Variants in TSPAN2 observed in about 807,000 individuals in gnomAD.
The protein encoded by TSPAN2 is tetraspanin 2.
TSPAN2 carries 24 observed loss-of-function variants against 33.3 expected under a neutral mutation model. That is an observed-to-expected ratio of 0.72 (90% CI 0.52 to 1.01). The LOEUF (loss-of-function observed/expected upper bound fraction) is 1.01. Ranked by LOEUF, TSPAN2 falls within the 50% of genes least tolerant of loss-of-function variation. The pLI, the probability that TSPAN2 is intolerant of heterozygous loss-of-function variation, is 0.00. For synonymous variants in TSPAN2, 114 were observed against 104.5 expected (o/e 1.09, Z -0.56); for missense variants, 278 against 281.3 (o/e 0.99, Z 0.08).
chr1:115,074,308 G>T (rs1458109101), intron 1 of TSPAN2, among the ~76,000 whole-genome samples: 1 of 152,180 alleles, frequency 6.6e-6, no homozygotes, highest in Non-Finnish European at 1.5e-5. Context: ...TGGACGATCT[G>T]GCTGGATTTC....
intron 4 of TSPAN2, 124 bp from the exon 5 acceptor site, chr1:115,059,105 C>A (rs1647556676): frequency 1.3e-6 from 1 of 767,492 alleles, no homozygotes. Context: ...AAGAATGATA[C>A]AATGGACTTT....
chr1:115,087,089 T>C (rs1648863903), intron 1 of TSPAN2, among the ~76,000 whole-genome samples: 1 of 151,912 alleles, frequency 6.6e-6, no homozygotes, highest in Admixed American at 6.6e-5. Context: ...CCGGCTAATT[T>C]TTGTACTTTA....
chr1:115,059,011 T>C (rs756209850), intron 4 of TSPAN2, 30 bp from the exon 5 acceptor site: 39 of 1,556,082 alleles, frequency 2.5e-5, no homozygotes, highest in Non-Finnish European at 2.7e-5. Context: ...AATGAAGGAC[T>C]TCTGGGTGGG....
chr1:115,064,907 C>T (rs1292142718), intron 2 of TSPAN2, among the ~76,000 whole-genome samples: 4 of 152,192 alleles, frequency 2.6e-5, no homozygotes, highest in Non-Finnish European at 5.9e-5. Flanking sequence ...CAGAGTTGTT[C>T]CCCACTGTAA....
At chr1:115,080,158 C>G (rs1234713726) in intron 1 of TSPAN2, among the ~76,000 whole-genome samples, 1 of 152,168 alleles carries the variant, frequency 6.6e-6, no homozygotes, top group East Asian at 1.9e-4. Context: ...TACATATAGA[C>G]AGTGGAAAAT....
In TSPAN2 at chr1:115,089,426, GCCC is replaced by G. The variant is rs750318087; in HGVS notation, c.4_6del (p.Gly2del). On this transcript the variant is annotated inframe_deletion, in exon 1 of 8. Transcript: ENST00000369516. ...ATGCACCGCAGGCCCCCGCGGAAGC[GCCC>G]CATGCTGCGGCCCGGCGGCGGGATC... The G allele has an allele frequency of 6.4e-7, 1 of 1,571,476 alleles. No homozygotes were observed. The highest frequency in any genetic ancestry group is 1.2e-5 in the South Asian group (1 of 86,312).
chr1:115,070,625 A>C (rs1648133720), intron 2 of TSPAN2, among the ~76,000 whole-genome samples: 1 of 151,616 alleles, frequency 6.6e-6, no homozygotes, highest in South Asian at 2.1e-4. Context: ...CAGCTTGCTA[A>C]TCCCTCCCCA....
At chr1:115,063,861 C>T (rs1647833081) in intron 2 of TSPAN2, among the ~76,000 whole-genome samples, 1 of 152,100 alleles carries the variant, frequency 6.6e-6, no homozygotes, top group African/African-American at 2.4e-5. Flanking sequence ...ATATTGGGTA[C>T]ACATGGACAT....
intron 2 of TSPAN2, among the ~76,000 whole-genome samples, chr1:115,067,470 T>C (rs717275): frequency 0.26 from 39,680 of 152,056 alleles, 5,552 homozygotes; most frequent in African/African-American, 0.3. Flanking sequence ...ATAAAAATGC[T>C]CTGGAGAAAT....
At position 115,082,402 on chromosome 1, in the gene TSPAN2, C is replaced by G. The variant is rs190022042; in HGVS notation, c.69+6962G>C. ...CAGCTCTCAAGTCTCTTCAATGCTT[C>G]AGACCTCTGTTTTCTCATATGTAAA... On this transcript the variant is annotated intron_variant, in intron 1 of 7. Transcript: ENST00000369516. Among the ~76,000 whole-genome samples the G allele has an allele frequency of 4.5e-3, 686 of 152,310 alleles. 9 individuals are homozygous for G. The highest frequency in any genetic ancestry group is 0.032 in the South Asian group (155 of 4,820).
chr1:115,073,132 C>T (rs1648251481), intron 1 of TSPAN2, 125 bp from the exon 2 acceptor site: 2 of 761,072 alleles, frequency 2.6e-6, no homozygotes, highest in Non-Finnish European at 2.3e-6. Context: ...ACCACCTTCC[C>T]ATTTTATAGG....
chr1:115,055,470 C>A (rs1307978280), intron 6 of TSPAN2, among the ~76,000 whole-genome samples: 2 of 151,972 alleles, frequency 1.3e-5, no homozygotes, highest in East Asian at 1.9e-4. Context: ...CTTAATATTA[C>A]AACTTTAAAA....
At chr1:115,084,343 C>T (rs756363872) in intron 1 of TSPAN2, among the ~76,000 whole-genome samples, 2 of 152,168 alleles carry the variant, frequency 1.3e-5, no homozygotes, top group Non-Finnish European at 2.9e-5. Flanking sequence ...TGCCCAAAGT[C>T]CCCTAGGTAG....
intron 2 of TSPAN2, among the ~76,000 whole-genome samples, chr1:115,068,229 C>T (rs976395373): frequency 1.3e-5 from 2 of 152,164 alleles, no homozygotes; most frequent in African/African-American, 4.8e-5. Context: ...TCCTGCCCTG[C>T]CCTGGGATTG....
At chr1:115,089,288 G>A in intron 1 of TSPAN2, 76 bp downstream of exon 1, 1 of 1,344,520 alleles carries the variant, frequency 7.4e-7, no homozygotes, top group Admixed American at 2.3e-5. Context: ...GCCGCAGTCA[G>A]CAGCTCGGGG....
At chr1:115,073,445 C>T (rs991153754) in intron 1 of TSPAN2, among the ~76,000 whole-genome samples, 8 of 152,128 alleles carry the variant, frequency 5.3e-5, no homozygotes, top group African/African-American at 1.7e-4. Context: ...ACCAAGAGCA[C>T]GATGAACTCC....
chr1:115,051,310 GA>G (rs967688605), intron 7 of TSPAN2, among the ~76,000 whole-genome samples: 15 of 150,176 alleles, frequency 1.0e-4, no homozygotes, highest in Middle Eastern at 6.9e-3. Flanking sequence ...CACAAAAAAA[GA>G]AAAAAAAAGT....
chr1:115,059,132 G>A lies in TSPAN2; in HGVS notation c.346-151C>T, dbSNP rs1647557496. On this transcript the variant is annotated intron_variant, in intron 4 of 7. Coordinates refer to ENST00000369516, the MANE Select transcript of TSPAN2 (RefSeq NM_005725.6). Reference sequence around the variant, plus strand: ...ATGGACTTTGGGGACTCAGGGGAAAGGGTAGGAGTGAGGTGAGGGATAAAA... The same window carrying A: ...ATGGACTTTGGGGACTCAGGGGAAAAGGTAGGAGTGAGGTGAGGGATAAAA... The A allele has an allele frequency of 4.5e-6, 3 of 664,982 alleles. No individual in the cohort carries two copies. In the African/African-American group the frequency reaches 5.4e-5, roughly 12 times the overall value. 41.2% of individuals were successfully genotyped at this position (664,982 alleles called of 1,614,324 possible).
chr1:115,073,176 G>A (rs775511947), intron 1 of TSPAN2, among the ~76,000 whole-genome samples, 169 bp from the exon 2 acceptor site: 3 of 152,182 alleles, frequency 2.0e-5, no homozygotes, highest in South Asian at 2.1e-4. Context: ...GTGAAGTGAT[G>A]TGCACGAAGC....
Sources: gnomAD v4.1 joint callset for allele counts (sites outside exome capture counted in the v4.1 genomes callset) on GRCh38, gnomAD v4.1.1 for gene constraint, MANE v1.5 for transcripts, NCBI Gene and HGNC (gene_info 2026-07-23, HGNC 2026-07-21) for gene names.